The following DSG1 variants were observed in gnomAD, a reference collection of about 807,000 sequenced individuals.
DSG1 encodes desmoglein 1.
Under a neutral mutation model 97.5 loss-of-function variants are expected in DSG1, and 39 were observed. That is an observed-to-expected ratio of 0.40 (90% CI 0.31 to 0.52). The LOEUF (loss-of-function observed/expected upper bound fraction) is 0.52. Among genes scored for constraint, DSG1 ranks in the 20% least tolerant of loss-of-function variants. The pLI is 0.53. For missense variants in DSG1, 1,311 were observed against 1,295.4 expected, an observed-to-expected ratio of 1.01 and a Z score of -0.18; for synonymous variants, 475 against 443.4, an observed-to-expected ratio of 1.07 and a Z score of -0.90.
intron 12 of DSG1, 41 bp from the exon 13 acceptor site, chr18:31,343,885 A>T: frequency 6.7e-7 from 1 of 1,498,306 alleles, no homozygotes; most frequent in Non-Finnish European, 9.3e-7. Flanking sequence ...GATTATAGTC[A>T]TTGGTCACTA....
At position 31,336,486 on chromosome 18, in the gene DSG1, A is replaced by C; in HGVS notation, c.1138A>C (p.Ile380Leu). The change falls in exon 9 of 15, where the codon ATT (isoleucine) becomes CTT (leucine). Residue 380 changes from isoleucine to leucine, a missense_variant. By Grantham distance (5) the Ile-to-Leu change is conservative. Transcript: ENST00000257192. ...AATTTCTGTGACTGTGTTAAATGTAATTGAAGGCCCAGTGTTTCGTCCAGG... is the reference window on the plus strand; with the variant it reads ...AATTTCTGTGACTGTGTTAAATGTACTTGAAGGCCCAGTGTTTCGTCCAGG... Reference protein sequence around the residue: ...SAISVTVLNVIEGPVFRPGSK... With the variant: ...SAISVTVLNVLEGPVFRPGSK... 6.2e-7 allele frequency: 1 copy of C among 1,614,036 alleles called. No homozygotes were observed. Among genetic ancestry groups the C allele is most frequent in the Non-Finnish European group, 8.5e-7 (1 of 1,179,946 alleles).
At chr18:31,341,924 TTTTG>T (rs2071791519) in intron 11 of DSG1, among the ~76,000 whole-genome samples, 1 of 117,818 alleles carries the variant, frequency 8.5e-6, no homozygotes, top group African/African-American at 3.1e-5. Context: ...TTTTTTGTTC[TTTTG>T]TTTTTTTGTT....
chr18:31,343,663 C>A, intron 12 of DSG1, 80 bp downstream of exon 12: 1 of 1,588,292 alleles, frequency 6.3e-7, no homozygotes, highest in South Asian at 1.1e-5. Context: ...TGGCCGCCAT[C>A]ACTCACAGTC....
chr18:31,318,196 T>C lies in DSG1; in HGVS notation c.-105T>C. 1 of 1,021,768 alleles carries C rather than the reference T, an allele frequency of 9.8e-7. No individual in the cohort carries two copies. Among genetic ancestry groups the C allele is most frequent in the Non-Finnish European group, 1.6e-6 (1 of 642,166 alleles). The allele number at this position is 1,021,768 out of a possible 1,614,324, so 63.3% of individuals were successfully genotyped here. A position where few individuals can be genotyped will look rare whatever the true frequency, so the allele number is the denominator to read the frequency against. On this transcript the variant is annotated 5_prime_UTR_variant, in exon 1 of 15. Coordinates refer to ENST00000257192, the MANE Select transcript of DSG1 (RefSeq NM_001942.4). ...AAAGCCTGCATGTAAGAACATCTAC[T>C]GAGAAATTATTTTAATCAGACACCA... is the stretch of plus-strand genomic sequence containing the variant.
intron 7 of DSG1, 58 bp from the exon 8 acceptor site, chr18:31,333,959 A>G: frequency 7.9e-7 from 1 of 1,265,322 alleles, no homozygotes. Flanking sequence ...GTATAAGCCT[A>G]CTGTAGTTCT....
At position 31,325,833 on chromosome 18, in the gene DSG1, A is replaced by T. The variant is rs1005182574; in HGVS notation, c.49-748A>T. On this transcript the variant is annotated intron_variant, in intron 1 of 14. Transcript: ENST00000257192. ...AATTTATGCTAAATTGTATTGAATTATATTTAGCCATAGGTTAATATCCAA... is the reference window on the plus strand; with the variant it reads ...AATTTATGCTAAATTGTATTGAATTTTATTTAGCCATAGGTTAATATCCAA... Among the ~76,000 whole-genome samples, 4 of 152,198 alleles carry T rather than the reference A, an allele frequency of 2.6e-5. 1 individual carries two copies. Among genetic ancestry groups the T allele is most frequent in the Admixed American group, 2.0e-4 (3 of 15,280 alleles).
intron 1 of DSG1, among the ~76,000 whole-genome samples, chr18:31,325,325 C>T (rs2144085931): frequency 6.6e-6 from 1 of 152,280 alleles, no homozygotes; most frequent in African/African-American, 2.4e-5. Flanking sequence ...ACAGCAAGCA[C>T]TGGCGCTCCA....
intron 10 of DSG1, among the ~76,000 whole-genome samples, chr18:31,338,674 T>G (rs182249101): frequency 6.6e-6 from 1 of 152,314 alleles, no homozygotes; most frequent in East Asian, 1.9e-4. Flanking sequence ...CCACCATCAC[T>G]TACTAGCTAT....
In DSG1 at chr18:31,353,742, G is replaced by C. The variant is rs546320445; in HGVS notation, c.2101-555G>C. On this transcript the variant is annotated intron_variant, in intron 14 of 14. Coordinates refer to ENST00000257192, the MANE Select transcript of DSG1 (RefSeq NM_001942.4). ...GGAGTGACCCGATTTTCCAGGTGCC[G>C]TCCGTCACCCCTTTCTTTGACTCAG... Among the ~76,000 whole-genome samples, 15 of 151,962 alleles carry C rather than the reference G, an allele frequency of 9.9e-5. No individual in the cohort carries two copies. The South Asian group carries it at 2.9e-3, about 30-fold the overall frequency.
chr18:31,336,532 C>A lies in DSG1; in HGVS notation c.1184C>A (p.Thr395Asn). Residue 395 changes from threonine (T) to asparagine (N), a missense_variant, in exon 9 of 15, where the codon ACT (threonine) becomes AAT (asparagine). This residue lies in a region of DSG1 where 1,038 missense variants were observed against 964.6 expected (regional missense o/e 1.08). Transcript: ENST00000257192. ...CCAGGTTCAAAGACATATGTTGTAACTGGTAATATGGGATCAAATGATAAA... is the reference window on the plus strand; with the variant it reads ...CCAGGTTCAAAGACATATGTTGTAAATGGTAATATGGGATCAAATGATAAA... ...FRPGSKTYVV[T>N]GNMGSNDKVG... The A allele has an allele frequency of 6.2e-7, 1 of 1,613,972 alleles. No individual in the cohort carries two copies. The highest frequency in any genetic ancestry group is 8.5e-7 in the Non-Finnish European group (1 of 1,179,930).
Position 31,356,062 on chromosome 18 carries a change from C to T in DSG1, c.*716C>T, listed in dbSNP as rs2071955620. ...TGTGGAGTCAAGGATTCTTCTGATTCTAGTGTGTGTTTAGTGATAGATGTA... is the reference window on the plus strand; with the variant it reads ...TGTGGAGTCAAGGATTCTTCTGATTTTAGTGTGTGTTTAGTGATAGATGTA... On this transcript the variant is annotated 3_prime_UTR_variant, in exon 15 of 15. Coordinates refer to ENST00000257192, the MANE Select transcript of DSG1 (RefSeq NM_001942.4). 6.6e-6 allele frequency: 1 copy of T among 152,378 alleles called. No individual in the cohort carries two copies. Among genetic ancestry groups the T allele is most frequent in the African/African-American group, 2.4e-5 (1 of 41,440 alleles). 9.4% of individuals were successfully genotyped at this position (152,378 alleles called of 1,614,324 possible). A position where few individuals can be genotyped will look rare whatever the true frequency, so the allele number is the denominator to read the frequency against.
chr18:31,333,961 T>C, intron 7 of DSG1, 56 bp from the exon 8 acceptor site: 1 of 1,281,464 alleles, frequency 7.8e-7, no homozygotes, highest in Non-Finnish European at 1.1e-6. Context: ...ATAAGCCTAC[T>C]GTAGTTCTCT....
At chr18:31,323,976 C>CTTTTTT (rs1203163479) in intron 1 of DSG1, among the ~76,000 whole-genome samples, 58 of 94,992 alleles carry the variant, frequency 6.1e-4, no homozygotes, top group Admixed American at 7.1e-4. Flanking sequence ...TCTCTCCTTC[C>CTTTTTT]TTTTTTTTTT....
chr18:31,320,349 A>G (rs2071645784), intron 1 of DSG1, among the ~76,000 whole-genome samples: 1 of 152,202 alleles, frequency 6.6e-6, no homozygotes, highest in Admixed American at 6.5e-5. Context: ...AATAAGCGGG[A>G]ACCTGCATTA....
At position 31,327,021 on chromosome 18, in the gene DSG1, A is replaced by C. The variant is rs1337186936; in HGVS notation, c.216+16A>C. The stretch of plus-strand genomic sequence containing the variant: ...AATCGCCAAAGTAGGTATCAACTCC[A>C]AAGCATAACATTGAAAATCAGAATG... On this transcript the variant is annotated intron_variant, in intron 3 of 14. Transcript: ENST00000257192. The C allele has an allele frequency of 6.2e-7, 1 of 1,613,512 alleles. No homozygotes were observed. Among genetic ancestry groups the C allele is most frequent in the African/African-American group, 1.3e-5 (1 of 74,906 alleles).
intron 14 of DSG1, among the ~76,000 whole-genome samples, chr18:31,352,849 G>A (rs1218924400): frequency 2.1e-4 from 27 of 127,542 alleles, no homozygotes; most frequent in Middle Eastern, 3.6e-3. Flanking sequence ...CTCTGTATTG[G>A]TTATTCTTGT....
chr18:31,339,933 C>A lies in DSG1; in HGVS notation c.1595C>A (p.Pro532His), dbSNP rs1261560120. The A allele has an allele frequency of 1.2e-6, 2 of 1,613,986 alleles. No individual in the cohort carries two copies. Among genetic ancestry groups the A allele is most frequent in the Admixed American group, 1.7e-5 (1 of 60,018 alleles). The part of the protein sequence containing the change: ...TDSSQVYSSE[P>H]GNGAKDLLSD... ...TCTAGCCAAGTATATTCTTCTGAACCCGGAAACGGAGCCAAAGATTTGTTA... is the reference window on the plus strand; with the variant it reads ...TCTAGCCAAGTATATTCTTCTGAACACGGAAACGGAGCCAAAGATTTGTTA... Residue 532 changes from proline to histidine, a missense_variant, in exon 11 of 15, where the codon CCC (proline) becomes CAC (histidine). By Grantham distance (77) the Pro-to-His change is moderately conservative (BLOSUM62 -2). This residue lies in a region of DSG1 where 1,038 missense variants were observed against 964.6 expected (regional missense o/e 1.08). Transcript: ENST00000257192.
chr18:31,329,532 G>A (rs1020180796), intron 4 of DSG1, among the ~76,000 whole-genome samples: 5 of 151,470 alleles, frequency 3.3e-5, no homozygotes, highest in East Asian at 1.9e-4. Flanking sequence ...ATTTTTTTAC[G>A]TCTTTATTTT....
In DSG1 at chr18:31,343,571, G is replaced by C; in HGVS notation, c.1809G>C (p.Gln603His). ...ATTCATGGGCAGTAGAAGGACCACA[G>C]CCTGAACCCAGGGTAAGTGCCACAT... ...AIHSWAVEGP[Q>H]PEPRDITTVI... The change falls in exon 12 of 15, where the codon CAG becomes CAC. Residue 603 changes from glutamine to histidine, a missense_variant. Gln to His is a conservative substitution (Grantham distance 24). Coordinates refer to ENST00000257192, the MANE Select transcript of DSG1 (RefSeq NM_001942.4). The C allele has an allele frequency of 6.2e-7, 1 of 1,614,122 alleles. No individual in the cohort carries two copies. The highest frequency in any genetic ancestry group is 8.5e-7 in the Non-Finnish European group (1 of 1,180,022).
Sources: allele counts gnomAD v4.1 joint callset (sites outside exome capture counted in the v4.1 genomes callset), GRCh38; gene constraint gnomAD v4.1.1; regional missense constraint gnomAD v4.1.1; transcripts MANE v1.5; gene names NCBI Gene and HGNC (gene_info 2026-07-23, HGNC 2026-07-21).